Variants in AMBRA1 observed in about 807,000 individuals in gnomAD.
AMBRA1 encodes the protein activating molecule in BECN1-regulated autophagy protein 1.
AMBRA1 carries 47 observed loss-of-function variants against 125.4 expected under a neutral mutation model. The observed-to-expected ratio is 0.37, with a 90% confidence interval of 0.30 to 0.48. AMBRA1 has a LOEUF of 0.48. Among genes scored for constraint, AMBRA1 ranks in the 20% least tolerant of loss-of-function variants. AMBRA1 has a pLI of 0.99. For missense variants in AMBRA1, 1,331 were observed against 1,693.4 expected (o/e 0.79, Z 3.76); for synonymous variants, 626 against 655.5 (o/e 0.95, Z 0.69).
chr11:46,521,975 G>A (rs1951780617), intron 7 of AMBRA1, among the ~76,000 whole-genome samples: 1 of 152,154 alleles, frequency 6.6e-6, no homozygotes, highest in African/African-American at 2.4e-5. Context: ...CACCAGAAAC[G>A]CTTAAAAACA....
intron 1 of AMBRA1, among the ~76,000 whole-genome samples, chr11:46,581,592 C>T (rs983379940): frequency 6.6e-6 from 1 of 151,732 alleles, no homozygotes; most frequent in Admixed American, 6.6e-5. Flanking sequence ...GGTGACAGTG[C>T]GAGACTTCCT....
intron 1 of AMBRA1, among the ~76,000 whole-genome samples, chr11:46,585,379 A>G (rs1043504066): frequency 2.0e-5 from 3 of 151,026 alleles, no homozygotes; most frequent in African/African-American, 7.3e-5. Context: ...TAATTCCAAA[A>G]AAAAAACGCT....
chr11:46,435,107 A>T, intron 12 of AMBRA1, 70 bp from the exon 13 acceptor site: 1 of 1,414,412 alleles, frequency 7.1e-7, no homozygotes, highest in Middle Eastern at 1.8e-4. Context: ...TCTGGGGCCA[A>T]GAAACTTTAG....
intron 11 of AMBRA1, among the ~76,000 whole-genome samples, chr11:46,474,011 C>T (rs995720009): frequency 2.0e-5 from 3 of 152,170 alleles, no homozygotes; most frequent in Non-Finnish European, 4.4e-5. Context: ...ATTCCCAACA[C>T]TTAGTGTAGG....
chr11:46,469,711 G>C (rs1013701519), intron 11 of AMBRA1, among the ~76,000 whole-genome samples: 4 of 151,884 alleles, frequency 2.6e-5, no homozygotes, highest in African/African-American at 9.7e-5. Flanking sequence ...TTGCCCCAGG[G>C]TGGAGTGCAG....
chr11:46,413,342 T>C (rs1946383206), intron 15 of AMBRA1, among the ~76,000 whole-genome samples: 1 of 152,216 alleles, frequency 6.6e-6, no homozygotes, highest in African/African-American at 2.4e-5. Context: ...ACAGGTCTAA[T>C]TCTAAGCCTG....
intron 11 of AMBRA1, among the ~76,000 whole-genome samples, chr11:46,448,336 A>C (rs1948411636): frequency 6.6e-6 from 1 of 152,262 alleles, no homozygotes; most frequent in African/African-American, 2.4e-5. Flanking sequence ...TGACAGATTA[A>C]ACAATACATT....
intron 11 of AMBRA1, among the ~76,000 whole-genome samples, chr11:46,469,531 GA>G: frequency 6.6e-6 from 1 of 152,238 alleles, no homozygotes; most frequent in Non-Finnish European, 1.5e-5. Flanking sequence ...TAATATATAT[GA>G]AAACTGTATG....
At chr11:46,401,279 C>T (rs1333900411) in intron 17 of AMBRA1, among the ~76,000 whole-genome samples, 1 of 152,100 alleles carries the variant, frequency 6.6e-6, no homozygotes, top group Non-Finnish European at 1.5e-5. Context: ...CTCGCTCTGT[C>T]GCCCAGACTG....
chr11:46,465,780 A>G (rs1949297716), intron 11 of AMBRA1, among the ~76,000 whole-genome samples: 1 of 152,264 alleles, frequency 6.6e-6, no homozygotes, highest in Non-Finnish European at 1.5e-5. Context: ...AGCACTTCTC[A>G]TAAGTAACAC....
At chr11:46,530,890 A>T (rs993755455) in intron 7 of AMBRA1, among the ~76,000 whole-genome samples, 1 of 152,256 alleles carries the variant, frequency 6.6e-6, no homozygotes, top group Non-Finnish European at 1.5e-5. Flanking sequence ...TCATTGATTC[A>T]TTCATTTATT....
chr11:46,547,232 A>G lies in AMBRA1; in HGVS notation c.259T>C (p.Cys87Arg). 1 of 1,614,112 alleles carries G rather than the reference A, an allele frequency of 6.2e-7. No homozygotes were observed. Among genetic ancestry groups the G allele is most frequent in the Non-Finnish European group, 8.5e-7 (1 of 1,180,016 alleles). ...IYITEVKTGK[C>R]VHSLIGHRRT... is the part of the protein sequence containing the mutation. ...CGGTGTCCAATCAGGGAATGAACAC[A>G]CTTGCCAGTCTTCACCTCCGTAATA... Residue 87 changes from cysteine to arginine, a missense_variant, in exon 4 of 18, where the codon TGT becomes CGT. Physicochemically the swap from Cys to Arg is radical, Grantham distance 180. This residue lies in a region of AMBRA1 where 144 missense variants were observed against 250.4 expected (regional missense o/e 0.58). Coordinates refer to ENST00000683756, the MANE Select transcript of AMBRA1 (RefSeq NM_001387011.1).
chr11:46,487,670 CA>C (rs1950312281), intron 11 of AMBRA1, among the ~76,000 whole-genome samples: 1 of 151,970 alleles, frequency 6.6e-6, no homozygotes, highest in African/African-American at 2.4e-5. Flanking sequence ...TGATAAAATA[CA>C]TTCAAAAATC....
intron 14 of AMBRA1, among the ~76,000 whole-genome samples, chr11:46,422,300 A>G (rs1007332680): frequency 6.6e-6 from 1 of 152,196 alleles, no homozygotes; most frequent in Non-Finnish European, 1.5e-5. Context: ...TCTAACATCT[A>G]TGAAGGGAAA....
At chr11:46,555,275 A>G (rs1342758218) in intron 1 of AMBRA1, among the ~76,000 whole-genome samples, 2 of 152,202 alleles carry the variant, frequency 1.3e-5, no homozygotes, top group African/African-American at 2.4e-5. Flanking sequence ...AGTATGCCAC[A>G]ACCCAGTGGG....
chr11:46,485,664 A>G (rs1459198888), intron 11 of AMBRA1, among the ~76,000 whole-genome samples: 1 of 152,228 alleles, frequency 6.6e-6, no homozygotes, highest in Non-Finnish European at 1.5e-5. Context: ...TTAAGGTGAC[A>G]ATACAGAAAG....
chr11:46,544,097 G>T, intron 5 of AMBRA1, 56 bp from the exon 6 acceptor site: 1 of 1,409,914 alleles, frequency 7.1e-7, no homozygotes, highest in South Asian at 1.2e-5. Context: ...TGTTAACTGA[G>T]AAGAGGAAAC....
chr11:46,444,097 C>T (rs1394184323), intron 11 of AMBRA1, among the ~76,000 whole-genome samples: 1 of 152,148 alleles, frequency 6.6e-6, no homozygotes, highest in Non-Finnish European at 1.5e-5. Context: ...CAGGCTTCCT[C>T]CAGGGAAGAG....
chr11:46,551,091 C>T (rs1240431530), intron 1 of AMBRA1, among the ~76,000 whole-genome samples: 3 of 135,418 alleles, frequency 2.2e-5, no homozygotes, highest in South Asian at 2.3e-4. Context: ...AGTGAGACTC[C>T]GCCTCAAAAA....
Sources: allele counts gnomAD v4.1 joint callset (sites outside exome capture counted in the v4.1 genomes callset), GRCh38; gene constraint gnomAD v4.1.1; regional missense constraint gnomAD v4.1.1; transcripts MANE v1.5; gene names NCBI Gene and HGNC (gene_info 2026-07-23, HGNC 2026-07-21).